SAMD4A: variants seen among roughly 807,000 people sequenced by gnomAD.
The protein encoded by SAMD4A is sterile alpha motif domain containing 4A.
Under a neutral mutation model 81.3 loss-of-function variants are expected in SAMD4A, and 33 were observed. The ratio of observed to expected loss-of-function variants is 0.41; its 90% CI spans 0.31 to 0.54. The LOEUF is 0.54. SAMD4A is among the 20% of genes least tolerant of loss of function. The probability of loss-of-function intolerance (pLI) is 0.37; values close to 1 mark genes in which losing one functional copy is unlikely to be tolerated. For missense variants in SAMD4A, 854 were observed against 951.1 expected (o/e 0.90, Z 1.34); for synonymous variants, 389 against 382.1 (o/e 1.02, Z -0.21).
intron 2 of SAMD4A, among the ~76,000 whole-genome samples, chr14:54,628,744 G>C (rs1434431631): frequency 1.3e-5 from 2 of 152,180 alleles, no homozygotes; most frequent in Non-Finnish European, 2.9e-5. Context: ...GAGGCACTGG[G>C]AAGTTAATGA....
At chr14:54,742,611 T>G (rs1228677454) in intron 4 of SAMD4A, among the ~76,000 whole-genome samples, 2 of 151,620 alleles carry the variant, frequency 1.3e-5, no homozygotes, top group Non-Finnish European at 2.9e-5. Flanking sequence ...ATGACTTTCT[T>G]GTTGTACTTG....
intron 2 of SAMD4A, 29 bp downstream of exon 2, chr14:54,568,141 C>A: frequency 7.0e-7 from 1 of 1,431,626 alleles, no homozygotes; most frequent in South Asian, 1.4e-5. Context: ...CCGCCGCCGT[C>A]CCGCCTGCCC....
chr14:54,735,323 T>C (rs1350389874), intron 3 of SAMD4A, among the ~76,000 whole-genome samples: 1 of 152,010 alleles, frequency 6.6e-6, no homozygotes, highest in African/African-American at 2.4e-5. Context: ...TCTTCCCGAG[T>C]CTATTTAGTA....
chr14:54,652,770 G>A (rs2035433190), intron 2 of SAMD4A: 1 of 151,936 alleles, frequency 6.6e-6, no homozygotes, highest in Non-Finnish European at 1.5e-5. Context: ...TAAGAGTGTG[G>A]GTTTTCTCTA....
chr14:54,585,805 C>A (rs550973136), intron 2 of SAMD4A, among the ~76,000 whole-genome samples: 6 of 152,020 alleles, frequency 3.9e-5, no homozygotes, highest in African/African-American at 1.4e-4. Context: ...TATTTCATGA[C>A]GTATATATCA....
intron 2 of SAMD4A, among the ~76,000 whole-genome samples, chr14:54,625,442 C>T (rs2034721955): frequency 6.6e-6 from 1 of 152,142 alleles, no homozygotes; most frequent in Non-Finnish European, 1.5e-5. Flanking sequence ...ATGAGCTGCC[C>T]GAAAGTTCAG....
chr14:54,606,204 T>TGC (rs1835455993), intron 2 of SAMD4A, among the ~76,000 whole-genome samples: 1 of 151,270 alleles, frequency 6.6e-6, no homozygotes, highest in African/African-American at 2.4e-5. Context: ...TGTGTGTGTG[T>TGC]GTGTGTGTGC....
intron 2 of SAMD4A, among the ~76,000 whole-genome samples, chr14:54,627,369 CTCCGTGGCTGA>C (rs1470190492): frequency 6.6e-6 from 1 of 152,086 alleles, no homozygotes; most frequent in African/African-American, 2.4e-5. Flanking sequence ...ACATTTGCTG[CTCCGTGGCTGA>C]TCCTGTCCTG....
At chr14:54,710,789 G>A (rs1256837035) in intron 3 of SAMD4A, among the ~76,000 whole-genome samples, 1 of 152,210 alleles carries the variant, frequency 6.6e-6, no homozygotes, top group Non-Finnish European at 1.5e-5. Flanking sequence ...TGGTCGCCAT[G>A]TTCACCTATC....
At chr14:54,702,879 C>A in intron 3 of SAMD4A, 1 of 348,380 alleles carries the variant, frequency 2.9e-6, no homozygotes, top group Non-Finnish European at 5.3e-6. Context: ...ATCAGAAATG[C>A]ATTTCACCCA....
intron 2 of SAMD4A, among the ~76,000 whole-genome samples, chr14:54,677,836 G>A (rs1187620457): frequency 2.0e-5 from 3 of 152,128 alleles, no homozygotes; most frequent in Non-Finnish European, 2.9e-5. Flanking sequence ...GGTTAAAAGG[G>A]CATTTTTTTC....
rs142774241 is a variant in SAMD4A at position 54,681,613 on chromosome 14, A to G, written c.197-20449A>G. 2.1e-3 allele frequency among the ~76,000 whole-genome samples: 324 copies of G among 152,088 alleles called. 1 individual carries two copies. Among genetic ancestry groups the G allele is most frequent in the African/African-American group, 7.2e-3 (300 of 41,490 alleles). On this transcript the variant is annotated intron_variant, in intron 2 of 12. Transcript: ENST00000554335. ...CCCAGCTAATTTTTAAAAATCTTCT[A>G]TAGAGATGGTATCTCCCTATGTTAC...
intron 2 of SAMD4A, among the ~76,000 whole-genome samples, chr14:54,615,681 CT>C (rs1453496784): frequency 6.6e-6 from 1 of 152,090 alleles, no homozygotes; most frequent in African/African-American, 2.4e-5. Context: ...TGTGTTTATT[CT>C]TTTTATTTTG....
At chr14:54,776,354 C>G (rs2139942437) in intron 10 of SAMD4A, 60 bp from the exon 11 acceptor site, 1 of 1,525,822 alleles carries the variant, frequency 6.6e-7, no homozygotes, top group South Asian at 1.3e-5. Flanking sequence ...TTGCTGGCGG[C>G]TCTGCTCTCC....
intron 3 of SAMD4A, among the ~76,000 whole-genome samples, chr14:54,706,557 G>A (rs2036862076): frequency 2.7e-5 from 4 of 147,584 alleles, no homozygotes; most frequent in Non-Finnish European, 6.0e-5. Context: ...GTGAGCCGAG[G>A]TGGTGCCACT....
chr14:54,744,643 G>A (rs2140953977), intron 4 of SAMD4A, among the ~76,000 whole-genome samples: 1 of 152,280 alleles, frequency 6.6e-6, no homozygotes, highest in South Asian at 2.1e-4. Flanking sequence ...ATGCATGGTG[G>A]TGCTTTGTCC....
chr14:54,666,458 C>T (rs1035803807), intron 2 of SAMD4A, among the ~76,000 whole-genome samples: 5 of 152,170 alleles, frequency 3.3e-5, no homozygotes, highest in South Asian at 2.1e-4. Context: ...TAGGAAAAGT[C>T]GGCCCTCCAT....
chr14:54,732,194 C>T (rs1043619730), intron 3 of SAMD4A, among the ~76,000 whole-genome samples: 1 of 152,088 alleles, frequency 6.6e-6, no homozygotes, highest in Non-Finnish European at 1.5e-5. Flanking sequence ...CCATTAAAAC[C>T]ACAATTGTAT....
At chr14:54,706,760 G>A (rs2036870909) in intron 3 of SAMD4A, among the ~76,000 whole-genome samples, 1 of 152,056 alleles carries the variant, frequency 6.6e-6, no homozygotes, top group Admixed American at 6.6e-5. Context: ...AAAGGGACGG[G>A]GGTCACAGTG....
Sources: gnomAD v4.1 joint callset for allele counts (sites outside exome capture counted in the v4.1 genomes callset) on GRCh38, gnomAD v4.1.1 for gene constraint, MANE v1.5 for transcripts, NCBI Gene and HGNC (gene_info 2026-07-23, HGNC 2026-07-21) for gene names.